The following CMYA5 variants were observed in gnomAD, a reference collection of about 807,000 sequenced individuals.
CMYA5 encodes cardiomyopathy-associated protein 5.
Under a neutral mutation model 318.9 loss-of-function variants are expected in CMYA5, and 246 were observed. That is an observed-to-expected ratio of 0.77 (90% CI 0.70 to 0.86). The LOEUF is 0.86. Among genes scored for constraint, CMYA5 ranks in the 40% least tolerant of loss-of-function variants. The probability of loss-of-function intolerance (pLI) is 0.00; values close to 1 mark genes in which losing one functional copy is unlikely to be tolerated. For missense variants in CMYA5, 4,589 were observed against 4,678.2 expected, an observed-to-expected ratio of 0.98 and a Z score of 0.56; for synonymous variants, 1,641 against 1,729.5, an observed-to-expected ratio of 0.95 and a Z score of 1.27.
At chr5:79,747,207 T>A in intron 5 of CMYA5, 94 bp downstream of exon 5, 1 of 1,203,586 alleles carries the variant, frequency 8.3e-7, no homozygotes, top group Non-Finnish European at 1.1e-6. Context: ...AGCTGCCAAT[T>A]AAAAAATGCA....
Position 79,733,520 on chromosome 5 carries a change from G to A in CMYA5, c.4755G>A (p.Leu1585=). 1 of 1,613,934 alleles carries A rather than the reference G, an allele frequency of 6.2e-7. No individual in the cohort carries two copies. Among genetic ancestry groups the A allele is most frequent in the Non-Finnish European group, 8.5e-7 (1 of 1,179,840 alleles). The part of the protein sequence containing the change: ...NLASGLAPTL[L]LLSDDKNKPA... The stretch of plus-strand genomic sequence containing the variant: ...CATCAGGTTTAGCCCCAACATTACT[G>A]CTCCTCAGTGATGATAAGAACAAAC... The change falls in exon 2 of 13, where the codon CTG becomes CTA. Residue 1585 remains leucine, a synonymous_variant. Transcript: ENST00000446378.
intron 1 of CMYA5, among the ~76,000 whole-genome samples, chr5:79,724,651 T>C (rs1182106480): frequency 6.6e-6 from 1 of 152,216 alleles, no homozygotes; most frequent in African/African-American, 2.4e-5. Context: ...ATGGATGAGA[T>C]GATTTTCATA....
chr5:79,730,132 A>T lies in CMYA5; in HGVS notation c.1367A>T (p.Glu456Val), dbSNP rs769478729. ...STQDGLDPDQEQPDLTSIERA... is the reference protein window; with the variant it reads ...STQDGLDPDQVQPDLTSIERA... ...CAGGATGGTTTGGACCCAGACCAAG[A>T]ACAGCCGGACCTGACTTCAATAGAA... is the stretch of plus-strand genomic sequence containing the variant. The change falls in exon 2 of 13, where the codon GAA (glutamate) becomes GTA (valine). Residue 456 changes from glutamate to valine, a missense_variant. Glu to Val is a moderately radical substitution (Grantham distance 121). Transcript: ENST00000446378. 1 of 1,613,734 alleles carries T rather than the reference A, an allele frequency of 6.2e-7. No individual in the cohort carries two copies. The highest frequency in any genetic ancestry group is 1.3e-5 in the African/African-American group (1 of 74,908).
chr5:79,761,655 A>T (rs1828653501), intron 7 of CMYA5, among the ~76,000 whole-genome samples, 156 bp from the exon 8 acceptor site: 1 of 152,204 alleles, frequency 6.6e-6, no homozygotes, highest in Non-Finnish European at 1.5e-5. Flanking sequence ...TTGCTTTCAC[A>T]TGTATTCTAA....
chr5:79,708,083 A>G (rs759656801), intron 1 of CMYA5, among the ~76,000 whole-genome samples: 16 of 152,228 alleles, frequency 1.1e-4, no homozygotes, highest in Non-Finnish European at 1.9e-4. Context: ...CTATCACATT[A>G]GTGATTATGT....
At chr5:79,756,075 T>G (rs1355585860) in intron 6 of CMYA5, among the ~76,000 whole-genome samples, 1 of 152,226 alleles carries the variant, frequency 6.6e-6, no homozygotes, top group East Asian at 1.9e-4. Flanking sequence ...CTTGAAACAT[T>G]CTGCTTGGTC....
chr5:79,776,921 A>G (rs1828949323), intron 9 of CMYA5, among the ~76,000 whole-genome samples: 1 of 152,196 alleles, frequency 6.6e-6, no homozygotes, highest in Non-Finnish European at 1.5e-5. Context: ...GGGAGAAAGC[A>G]TACTTAGATC....
At position 79,737,956 on chromosome 5, in the gene CMYA5, C is replaced by T. The variant is rs1391028857; in HGVS notation, c.9191C>T (p.Ser3064Phe). 6.2e-7 allele frequency: 1 copy of T among 1,613,066 alleles called. No individual in the cohort carries two copies. The highest frequency in any genetic ancestry group is 2.2e-5 in the East Asian group (1 of 44,850). ...TATACTTTGATTGATTATAACATCTCCCCAGACCCAGAAAAACAGAAAGCT... is the reference window on the plus strand; with the variant it reads ...TATACTTTGATTGATTATAACATCTTCCCAGACCCAGAAAAACAGAAAGCT... Reference protein sequence around the residue: ...EKYTLIDYNISPDPEKQKAPQ... With the variant: ...EKYTLIDYNIFPDPEKQKAPQ... Residue 3064 changes from serine to phenylalanine, a missense_variant, in exon 2 of 13, where the codon TCC becomes TTC. By Grantham distance (155) the Ser-to-Phe change is radical. This residue lies in a region of CMYA5 where 2,431 missense variants were observed against 2,495.1 expected (regional missense o/e 0.97). Coordinates refer to ENST00000446378, the MANE Select transcript of CMYA5 (RefSeq NM_153610.5).
chr5:79,799,858 T>TACGG lies in CMYA5; in HGVS notation c.*242_*243insACGG. ...CTCTTTAGTTTATATAAGTTTGAGT[T>TACGG]CTTTCCTAAATTAAAAGATCTACAC... is the stretch of plus-strand genomic sequence containing the variant. On this transcript the variant is annotated 3_prime_UTR_variant, in exon 13 of 13. Coordinates refer to ENST00000446378, the MANE Select transcript of CMYA5 (RefSeq NM_153610.5). The TACGG allele has an allele frequency of 4.8e-6, 1 of 207,468 alleles. No homozygotes were observed. Among genetic ancestry groups the TACGG allele is most frequent in the Non-Finnish European group, 8.7e-6 (1 of 115,050 alleles). 12.9% of individuals were successfully genotyped at this position (207,468 alleles called of 1,614,324 possible). A position where few individuals can be genotyped will look rare whatever the true frequency, so the allele number is the denominator to read the frequency against.
chr5:79,738,746 G>A lies in CMYA5; in HGVS notation c.9981G>A (p.Glu3327=), dbSNP rs575071429. ...VAMQKKAPIT[E]DVRVATQKIS... ...TGCAGAAGAAAGCTCCCATCACAGAGGACGTCAGAGTGGCTACCCAGAAAA... is the reference window on the plus strand; with the variant it reads ...TGCAGAAGAAAGCTCCCATCACAGAAGACGTCAGAGTGGCTACCCAGAAAA... Residue 3327 remains glutamate (E), a synonymous_variant, in exon 2 of 13, where the codon GAG becomes GAA. Coordinates refer to ENST00000446378, the MANE Select transcript of CMYA5 (RefSeq NM_153610.5). 2.5e-5 allele frequency: 41 copies of A among 1,613,786 alleles called. No homozygotes were observed. Among genetic ancestry groups the A allele is most frequent in the African/African-American group, 4.0e-5 (3 of 74,912 alleles).
rs755922497 is a variant in CMYA5, at chr5:79,761,888, C to G, written c.11338C>G (p.Gln3780Glu). 44 of 1,613,724 alleles carry G rather than the reference C, an allele frequency of 2.7e-5. 1 individual carries two copies. Among genetic ancestry groups the G allele is most frequent in the Non-Finnish European group, 3.6e-5 (42 of 1,179,782 alleles). Residue 3780 changes from glutamine (Q) to glutamate (E), a missense_variant, in exon 8 of 13, where the codon CAA (glutamine) becomes GAA (glutamate). Gln to Glu is a conservative substitution (Grantham distance 29). Around this residue, in one of 3 missense-constraint regions of CMYA5, gnomAD observed 2,431 missense variants for 2,495.1 expected, o/e 0.97. Coordinates refer to ENST00000446378, the MANE Select transcript of CMYA5 (RefSeq NM_153610.5). ...AGATCTGGAACCTGACCGATGCTATCAAGTGTGGGTGATGGCTGTGAACTT... is the reference window on the plus strand; with the variant it reads ...AGATCTGGAACCTGACCGATGCTATGAAGTGTGGGTGATGGCTGTGAACTT... ...FEDLEPDRCYQVWVMAVNFTG... is the reference protein window; with the variant it reads ...FEDLEPDRCYEVWVMAVNFTG...
At chr5:79,696,283 GA>G (rs889587582) in intron 1 of CMYA5, among the ~76,000 whole-genome samples, 1 of 152,176 alleles carries the variant, frequency 6.6e-6, no homozygotes, top group African/African-American at 2.4e-5. Context: ...GCCATCCCTA[GA>G]CTGACCCTTC....
chr5:79,716,255 A>G (rs1440643704), intron 1 of CMYA5, among the ~76,000 whole-genome samples: 1 of 152,224 alleles, frequency 6.6e-6, no homozygotes, highest in Non-Finnish European at 1.5e-5. Flanking sequence ...AGAGATGAAA[A>G]TATCAACTTC....
chr5:79,796,373 A>AG (rs1281784790), intron 12 of CMYA5, among the ~76,000 whole-genome samples: 5 of 151,492 alleles, frequency 3.3e-5, no homozygotes, highest in Non-Finnish European at 1.5e-5. Flanking sequence ...GTCCTGTGCC[A>AG]GGTTATCTTT....
At chr5:79,749,172 G>A (rs2151091586) in intron 5 of CMYA5, among the ~76,000 whole-genome samples, 1 of 152,228 alleles carries the variant, frequency 6.6e-6, no homozygotes, top group South Asian at 2.1e-4. Flanking sequence ...AAAGCTGCCT[G>A]TCTCTTAAAG....
At chr5:79,775,418 T>C (rs146566421) in intron 9 of CMYA5, among the ~76,000 whole-genome samples, 2 of 152,202 alleles carry the variant, frequency 1.3e-5, no homozygotes, top group Non-Finnish European at 2.9e-5. Context: ...AAAACAATCC[T>C]GTGAGAACAA....
chr5:79,697,082 T>G (rs1288390498), intron 1 of CMYA5, among the ~76,000 whole-genome samples: 1 of 152,224 alleles, frequency 6.6e-6, no homozygotes, highest in East Asian at 1.9e-4. Flanking sequence ...GCCTACTGTG[T>G]GCCACGCAAT....
intron 1 of CMYA5, among the ~76,000 whole-genome samples, chr5:79,719,861 A>G (rs1827587252): frequency 6.6e-6 from 1 of 152,202 alleles, no homozygotes; most frequent in Non-Finnish European, 1.5e-5. Context: ...GCGGATATGG[A>G]AATAAAAGAC....
chr5:79,692,534 T>G (rs1826988413), intron 1 of CMYA5, among the ~76,000 whole-genome samples: 1 of 152,238 alleles, frequency 6.6e-6, no homozygotes, highest in Non-Finnish European at 1.5e-5. Flanking sequence ...CATCCAGTGA[T>G]ATGAATGTGA....
Sources: gnomAD v4.1 joint callset for allele counts (sites outside exome capture counted in the v4.1 genomes callset) on GRCh38, gnomAD v4.1.1 for gene constraint, gnomAD v4.1.1 regional missense constraint, MANE v1.5 for transcripts, NCBI Gene and HGNC (gene_info 2026-07-23, HGNC 2026-07-21) for gene names.